Variants in RNF169 observed in about 807,000 individuals in gnomAD.
RNF169 encodes E3 ubiquitin-protein ligase RNF169.
A neutral mutation model predicts 53.9 loss-of-function variants in RNF169; 24 were observed. That is an observed-to-expected ratio of 0.45 (90% CI 0.32 to 0.63). The LOEUF (loss-of-function observed/expected upper bound fraction) is 0.63, where lower values mean the gene tolerates loss of function less well. RNF169 is among the 20% of genes least tolerant of loss of function. The probability of loss-of-function intolerance (pLI) is 0.04; values close to 1 mark genes in which losing one functional copy is unlikely to be tolerated. For missense variants in RNF169, 883 were observed against 906.2 expected (o/e 0.97, Z 0.33); for synonymous variants, 396 against 363.5 (o/e 1.09, Z -1.02).
rs567089500 is a variant in RNF169, at chr11:74,750,060, G to A, written c.502+678G>A. Among the ~76,000 whole-genome samples the A allele has an allele frequency of 7.2e-5, 11 of 152,290 alleles. No homozygotes were observed. The East Asian group carries it at 2.1e-3, about 29-fold the overall frequency. On this transcript the variant is annotated intron_variant, in intron 1 of 5. Coordinates refer to ENST00000299563, the MANE Select transcript of RNF169 (RefSeq NM_001098638.2). ...TTTAAAAGTTTTGGAAACAAAGGTT[G>A]GGTGGCAGGGGCTGCTTCTATCTCC...
chr11:74,780,601 T>C (rs1482649520), intron 1 of RNF169, among the ~76,000 whole-genome samples: 1 of 152,220 alleles, frequency 6.6e-6, no homozygotes, highest in Admixed American at 6.5e-5. Flanking sequence ...ATTTCATACT[T>C]TAAAAAATGG....
chr11:74,834,964 T>C (rs1333045723), intron 5 of RNF169, among the ~76,000 whole-genome samples, 189 bp downstream of exon 5: 1 of 152,062 alleles, frequency 6.6e-6, no homozygotes. Flanking sequence ...TGGGTAGAAT[T>C]AGGGCTACTA....
At chr11:74,791,569 G>A (rs1447152775) in intron 2 of RNF169, among the ~76,000 whole-genome samples, 8 of 152,242 alleles carry the variant, frequency 5.3e-5, no homozygotes, top group South Asian at 2.1e-4. Flanking sequence ...GTGGCAGGGC[G>A]CTGCCATGTC....
chr11:74,767,493 C>T (rs1405660471), intron 1 of RNF169, among the ~76,000 whole-genome samples: 2 of 152,124 alleles, frequency 1.3e-5, no homozygotes, highest in Admixed American at 1.3e-4. Flanking sequence ...GCAACCTCCA[C>T]CTGCCAGGTT....
chr11:74,775,344 T>C (rs2035317802), intron 1 of RNF169, among the ~76,000 whole-genome samples: 1 of 152,184 alleles, frequency 6.6e-6, no homozygotes, highest in Non-Finnish European at 1.5e-5. Context: ...TTGGACAATT[T>C]TTCTTTTTCT....
At chr11:74,817,802 G>A in intron 4 of RNF169, 88 bp downstream of exon 4, 1 of 830,988 alleles carries the variant, frequency 1.2e-6, no homozygotes, top group Non-Finnish European at 2.0e-6. Context: ...TATTTGTTGT[G>A]GCTACTTTGG....
At chr11:74,830,181 G>A (rs1565188036) in intron 4 of RNF169, among the ~76,000 whole-genome samples, 2 of 151,904 alleles carry the variant, frequency 1.3e-5, no homozygotes, top group Non-Finnish European at 2.9e-5. Flanking sequence ...AAATAATAAA[G>A]ATTACATTTA....
intron 1 of RNF169, among the ~76,000 whole-genome samples, chr11:74,751,030 CCTG>C (rs2034886538): frequency 6.6e-6 from 1 of 151,956 alleles, no homozygotes; most frequent in African/African-American, 2.4e-5. Flanking sequence ...GCCACCACAC[CCTG>C]CTAATTTTTG....
intron 1 of RNF169, among the ~76,000 whole-genome samples, chr11:74,752,443 A>G (rs1227754818): frequency 6.6e-6 from 1 of 151,482 alleles, no homozygotes; most frequent in Non-Finnish European, 1.5e-5. Context: ...CTAAAAATAC[A>G]AAAATTAGCC....
At chr11:74,829,632 TA>T (rs1235983889) in intron 4 of RNF169, among the ~76,000 whole-genome samples, 89 of 152,158 alleles carry the variant, frequency 5.8e-4, no homozygotes, top group African/African-American at 2.0e-3. Flanking sequence ...GAAAATGTGG[TA>T]CGTATACCCC....
chr11:74,801,792 G>A (rs1160097922), intron 2 of RNF169, among the ~76,000 whole-genome samples: 3 of 152,176 alleles, frequency 2.0e-5, no homozygotes, highest in African/African-American at 7.2e-5. Context: ...ATTTAATAGA[G>A]ACAACCTTAT....
chr11:74,816,705 T>C (rs1158035394), intron 3 of RNF169, among the ~76,000 whole-genome samples: 1 of 152,146 alleles, frequency 6.6e-6, no homozygotes, highest in Non-Finnish European at 1.5e-5. Context: ...AATGGGTAGA[T>C]AGAGGTTTTG....
intron 1 of RNF169, among the ~76,000 whole-genome samples, chr11:74,772,615 T>C (rs1189104064): frequency 2.0e-5 from 3 of 152,114 alleles, no homozygotes; most frequent in Non-Finnish European, 2.9e-5. Flanking sequence ...TTTTTGACCT[T>C]GAGTAGAGCG....
chr11:74,803,128 C>T (rs2035757358), intron 2 of RNF169, among the ~76,000 whole-genome samples: 1 of 149,566 alleles, frequency 6.7e-6, no homozygotes, highest in South Asian at 2.1e-4. Context: ...TGCTTTGTCA[C>T]CCAGGCTGGA....
At chr11:74,752,696 G>A (rs1043118749) in intron 1 of RNF169, among the ~76,000 whole-genome samples, 1 of 151,640 alleles carries the variant, frequency 6.6e-6, no homozygotes, top group Non-Finnish European at 1.5e-5. Context: ...TTATACAAAA[G>A]GTTGTACATT....
At chr11:74,803,178 T>C (rs1303525) in intron 2 of RNF169, among the ~76,000 whole-genome samples, 99,510 of 150,200 alleles carry the variant, frequency 0.66, 33,745 homozygotes, top group African/African-American at 0.81. Context: ...CTCCGCCTCC[T>C]GGGTTCATGC....
At chr11:74,752,416 G>T (rs1167852268) in intron 1 of RNF169, among the ~76,000 whole-genome samples, 1 of 151,754 alleles carries the variant, frequency 6.6e-6, no homozygotes. Flanking sequence ...GGCTAACATG[G>T]TGAAACCTTG....
intron 1 of RNF169, among the ~76,000 whole-genome samples, chr11:74,759,751 G>A (rs912476604): frequency 2.0e-5 from 3 of 147,914 alleles, no homozygotes; most frequent in Non-Finnish European, 4.5e-5. Context: ...TGTTCATCAA[G>A]GATATTGGTC....
At chr11:74,761,689 T>C (rs1169526714) in intron 1 of RNF169, among the ~76,000 whole-genome samples, 1 of 152,232 alleles carries the variant, frequency 6.6e-6, no homozygotes, top group Non-Finnish European at 1.5e-5. Context: ...CCGCTGTTAG[T>C]CTGATGGGCT....
Sources: allele counts gnomAD v4.1 joint callset (sites outside exome capture counted in the v4.1 genomes callset), GRCh38; gene constraint gnomAD v4.1.1; transcripts MANE v1.5; gene names NCBI Gene and HGNC (gene_info 2026-07-23, HGNC 2026-07-21).